Variants in EPM2A observed in about 807,000 individuals in gnomAD.
The protein encoded by EPM2A is laforin.
In EPM2A, 21 loss-of-function variants were observed where a neutral mutation model predicts 26.5. That is an observed-to-expected ratio of 0.79 (90% CI 0.56 to 1.14). EPM2A has a LOEUF of 1.14. Ranked by LOEUF, EPM2A falls within the 50% of genes most tolerant of loss-of-function variation. The probability of loss-of-function intolerance (pLI) is 0.00; values close to 1 mark genes in which losing one functional copy is unlikely to be tolerated. For missense variants in EPM2A, 458 were observed against 440.8 expected (o/e 1.04, Z -0.35); for synonymous variants, 217 against 177.6 (o/e 1.22, Z -1.76).
At chr6:145,608,619 C>A (rs2128551538) in intron 2 of EPM2A, among the ~76,000 whole-genome samples, 2 of 152,140 alleles carry the variant, frequency 1.3e-5, no homozygotes, top group Middle Eastern at 6.8e-3. Flanking sequence ...AAATCACAGT[C>A]AGTTCAACCC....
At chr6:145,490,824 C>T (rs1582795301) in intron 4 of EPM2A, 1 of 611,334 alleles carries the variant, frequency 1.6e-6, no homozygotes, top group African/African-American at 1.8e-5. Flanking sequence ...GGGTCAGATG[C>T]ATGGCCATCT....
At chr6:145,524,046 G>A (rs1162432523) in intron 2 of EPM2A, among the ~76,000 whole-genome samples, 1 of 152,092 alleles carries the variant, frequency 6.6e-6, no homozygotes, top group Non-Finnish European at 1.5e-5. Context: ...GTGCTATTTG[G>A]TTTTCTGATC....
At chr6:145,694,901 CT>C (rs1781484616) in intron 1 of EPM2A, among the ~76,000 whole-genome samples, 2 of 151,916 alleles carry the variant, frequency 1.3e-5, no homozygotes, top group South Asian at 4.1e-4. Context: ...CTAGTCCTGT[CT>C]TATGGGAATT....
chr6:145,717,580 C>A (rs1482348368), intron 1 of EPM2A, among the ~76,000 whole-genome samples: 6 of 152,172 alleles, frequency 3.9e-5, no homozygotes, highest in Non-Finnish European at 7.3e-5. Flanking sequence ...CCCTCTCTCA[C>A]CGCTCCTATT....
intron 3 of EPM2A, chr6:145,628,142 A>G (rs1582914876): frequency 9.2e-6 from 2 of 218,066 alleles, no homozygotes; most frequent in East Asian, 2.3e-4. Flanking sequence ...AAAACACAGA[A>G]GCGGCCCATA....
At chr6:145,562,618 G>C (rs1780821425) in intron 2 of EPM2A, among the ~76,000 whole-genome samples, 1 of 152,138 alleles carries the variant, frequency 6.6e-6, no homozygotes, top group Non-Finnish European at 1.5e-5. Flanking sequence ...GAGGGCCTGA[G>C]TTGATGTAGA....
intron 1 of EPM2A, among the ~76,000 whole-genome samples, chr6:145,703,993 T>C (rs1033325766): frequency 1.3e-5 from 2 of 152,192 alleles, no homozygotes; most frequent in African/African-American, 4.8e-5. Context: ...TTAAAAACAT[T>C]ATTTTAAAAT....
At chr6:145,653,039 G>A (rs902322593) in intron 2 of EPM2A, among the ~76,000 whole-genome samples, 2 of 152,170 alleles carry the variant, frequency 1.3e-5, no homozygotes, top group Non-Finnish European at 2.9e-5. Context: ...GATTAAACAT[G>A]GAAAGAGAAA....
At chr6:145,463,138 T>C (rs2114718245) in intron 4 of EPM2A, 1 of 152,270 alleles carries the variant, frequency 6.6e-6, no homozygotes, top group South Asian at 2.1e-4. Context: ...TAACAGTAAG[T>C]AGGCTGCAAT....
At chr6:145,458,231 C>A (rs923412853) in intron 4 of EPM2A, among the ~76,000 whole-genome samples, 8 of 152,200 alleles carry the variant, frequency 5.3e-5, no homozygotes, top group African/African-American at 1.7e-4. Context: ...CCAATCCTTG[C>A]CAGTTCTCCC....
chr6:145,634,707 A>C (rs12205454), intron 3 of EPM2A: 10,649 of 156,114 alleles, frequency 0.068, 479 homozygotes, highest in South Asian at 0.11. Context: ...GATTCTTCTA[A>C]GCTGCTGCTT....
chr6:145,644,524 A>G (rs1777318032), intron 2 of EPM2A, among the ~76,000 whole-genome samples: 3 of 152,162 alleles, frequency 2.0e-5, no homozygotes, highest in African/African-American at 7.2e-5. Flanking sequence ...GGCATCAAAT[A>G]ATTTAAATGG....
chr6:145,499,949 T>C (rs1224082197), downstream of EPM2A, among the ~76,000 whole-genome samples: 1 of 130,196 alleles, frequency 7.7e-6, no homozygotes, highest in Non-Finnish European at 1.8e-5. Flanking sequence ...TGGTTGATGA[T>C]TGCTTTTCCA....
In EPM2A at chr6:145,626,942, A is replaced by G. The variant is rs1254579972; in HGVS notation, c.*474T>C. The G allele has an allele frequency of 9.9e-6, 10 of 1,011,706 alleles. No individual in the cohort carries two copies. In the African/African-American group the frequency reaches 1.7e-4, roughly 17 times the overall value. 62.7% of individuals were successfully genotyped at this position (1,011,706 alleles called of 1,614,324 possible). ...GACCATAGTGAGCTCTTCTTTTGTA[A>G]CGGTTCAGGCTTCTAACCTTATTTC... On this transcript the variant is annotated 3_prime_UTR_variant, in exon 4 of 4. Coordinates refer to ENST00000367519, the MANE Select transcript of EPM2A (RefSeq NM_005670.4).
At chr6:145,427,109 A>G (rs563478593) in intron 4 of EPM2A, among the ~76,000 whole-genome samples, 2 of 152,220 alleles carry the variant, frequency 1.3e-5, no homozygotes, top group Non-Finnish European at 1.5e-5. Flanking sequence ...TTCCTGACAC[A>G]GCATCATTCA....
intron 4 of EPM2A, among the ~76,000 whole-genome samples, chr6:145,414,653 T>G (rs549542629): frequency 8.8e-4 from 134 of 152,218 alleles, no homozygotes; most frequent in Middle Eastern, 3.4e-3. Flanking sequence ...TGTGTTAACA[T>G]CCTATTACTC....
chr6:145,406,576 A>G (rs1334884538), intron 4 of EPM2A, among the ~76,000 whole-genome samples: 1 of 152,170 alleles, frequency 6.6e-6, no homozygotes, highest in Non-Finnish European at 1.5e-5. Flanking sequence ...CTCTAATGGT[A>G]GCTACCAAGT....
At chr6:145,473,950 G>T (rs557054447) in intron 4 of EPM2A, among the ~76,000 whole-genome samples, 1 of 152,056 alleles carries the variant, frequency 6.6e-6, no homozygotes, top group Non-Finnish European at 1.5e-5. Context: ...GGACATTAAT[G>T]GGCAATAAAT....
chr6:145,550,839 C>T (rs922387822), intron 2 of EPM2A, among the ~76,000 whole-genome samples: 6 of 151,882 alleles, frequency 4.0e-5, no homozygotes, highest in African/African-American at 1.5e-4. Context: ...ATACAACATA[C>T]AAAATATGTG....
Sources: gnomAD v4.1 joint callset for allele counts (sites outside exome capture counted in the v4.1 genomes callset) on GRCh38, gnomAD v4.1.1 for gene constraint, MANE v1.5 for transcripts, NCBI Gene and HGNC (gene_info 2026-07-23, HGNC 2026-07-21) for gene names.